Variants in CCDC149 observed in about 807,000 individuals in gnomAD.
CCDC149 encodes coiled-coil domain-containing protein 149.
In CCDC149, 45 loss-of-function variants were observed where a neutral mutation model predicts 59.9. The observed-to-expected ratio is 0.75, with a 90% CI of 0.59 to 0.96. The LOEUF (loss-of-function observed/expected upper bound fraction) is 0.96. Among genes scored for constraint, CCDC149 ranks in the 40% least tolerant of loss-of-function variants. The probability of loss-of-function intolerance (pLI) is 0.00; values close to 1 mark genes in which losing one functional copy is unlikely to be tolerated. For missense variants in CCDC149, 584 were observed against 664.7 expected, an observed-to-expected ratio of 0.88 and a Z score of 1.33; for synonymous variants, 245 against 260.6, an observed-to-expected ratio of 0.94 and a Z score of 0.58.
intron 1 of CCDC149, among the ~76,000 whole-genome samples, chr4:24,954,260 C>G (rs912781191): frequency 6.6e-6 from 1 of 152,218 alleles, no homozygotes; most frequent in Non-Finnish European, 1.5e-5. Context: ...GGGTACAGCC[C>G]AGGCTTCATG....
intron 2 of CCDC149, among the ~76,000 whole-genome samples, chr4:24,874,244 G>GTTTTTTTTTTTTTGTTTT (rs1719242320): frequency 1.1e-5 from 1 of 87,488 alleles, no homozygotes; most frequent in Non-Finnish European, 2.0e-5. Context: ...TATTAGATTT[G>GTTTTTTTTTTTTTGTTTT]TTTTTTTTTT....
intron 1 of CCDC149, among the ~76,000 whole-genome samples, chr4:24,968,579 A>G (rs556609241): frequency 8.5e-5 from 13 of 152,340 alleles, no homozygotes; most frequent in Non-Finnish European, 1.8e-4. Context: ...AGCCTTCGCC[A>G]TTTAAGGAAT....
At chr4:24,877,874 C>T (rs545351464) in intron 1 of CCDC149, among the ~76,000 whole-genome samples, 1 of 152,160 alleles carries the variant, frequency 6.6e-6, no homozygotes, top group Admixed American at 6.5e-5. Flanking sequence ...GGACTCTTCA[C>T]TTTTTACTGG....
intron 1 of CCDC149, among the ~76,000 whole-genome samples, chr4:24,928,437 A>G (rs546594645): frequency 3.3e-4 from 50 of 152,334 alleles, no homozygotes; most frequent in Middle Eastern, 3.4e-3. Context: ...AGGAATTCCA[A>G]CAGAATGGAT....
chr4:24,978,480 T>A (rs1724315947), intron 1 of CCDC149, among the ~76,000 whole-genome samples: 1 of 152,210 alleles, frequency 6.6e-6, no homozygotes, highest in Non-Finnish European at 1.5e-5. Context: ...TCTATTTCTG[T>A]TGGCAGCACT....
intron 1 of CCDC149, among the ~76,000 whole-genome samples, chr4:24,895,455 T>C (rs1172570853): frequency 6.6e-6 from 1 of 152,204 alleles, no homozygotes; most frequent in Non-Finnish European, 1.5e-5. Context: ...AGTCAAATTG[T>C]AGGTGGCTTT....
At chr4:24,900,951 T>G (rs1043579910) in intron 1 of CCDC149, among the ~76,000 whole-genome samples, 1 of 152,034 alleles carries the variant, frequency 6.6e-6, no homozygotes, top group Admixed American at 6.5e-5. Context: ...GAAAGATAGG[T>G]CAAGGTCAGC....
At position 24,837,924 on chromosome 4, in the gene CCDC149, T is replaced by C. The variant is rs944400950; in HGVS notation, c.489+232A>G. Among the ~76,000 whole-genome samples the C allele has an allele frequency of 6.6e-6, 1 of 152,224 alleles. No homozygotes were observed. The highest frequency in any genetic ancestry group is 1.5e-5 in the Non-Finnish European group (1 of 68,038). ...CTATCCTGGCTAGGAGGAACGTTTC[T>C]TGTTGTGTTCAGAACAATGGTACCC... On this transcript the variant is annotated intron_variant, in intron 5 of 12. Coordinates refer to ENST00000635206, the MANE Select transcript of CCDC149 (RefSeq NM_001330643.2). The surrounding 1 kb of genome is among the most constrained non-coding windows in gnomAD (Gnocchi z 4.3).
chr4:24,946,916 G>A (rs560355463), intron 1 of CCDC149, among the ~76,000 whole-genome samples: 35 of 152,194 alleles, frequency 2.3e-4, no homozygotes, highest in African/African-American at 7.2e-4. Context: ...TTTCCTCTCC[G>A]AACTGTGAAT....
At chr4:24,977,142 G>T (rs1295354125) in intron 1 of CCDC149, among the ~76,000 whole-genome samples, 1 of 152,164 alleles carries the variant, frequency 6.6e-6, no homozygotes, top group Non-Finnish European at 1.5e-5. Flanking sequence ...TGCTGGGGTG[G>T]ACATGGGACT....
intron 12 of CCDC149, among the ~76,000 whole-genome samples, chr4:24,810,080 C>T (rs886580790): frequency 6.6e-5 from 10 of 152,184 alleles, no homozygotes; most frequent in Non-Finnish European, 1.0e-4. Context: ...AGCCATGTCA[C>T]GCACCCATTA....
chr4:24,956,250 A>T (rs1482632872), intron 1 of CCDC149, among the ~76,000 whole-genome samples: 1 of 151,066 alleles, frequency 6.6e-6, no homozygotes, highest in Admixed American at 6.6e-5. Context: ...ACCCCATAAC[A>T]AGGATTTCTC....
intron 1 of CCDC149, among the ~76,000 whole-genome samples, chr4:24,940,677 C>T (rs1004631493): frequency 1.3e-5 from 2 of 151,930 alleles, no homozygotes; most frequent in African/African-American, 4.8e-5. Flanking sequence ...CACACATAGG[C>T]TCAAAATAAA....
intron 4 of CCDC149, among the ~76,000 whole-genome samples, chr4:24,841,343 G>C (rs1716924343): frequency 2.0e-5 from 3 of 152,284 alleles, no homozygotes; most frequent in Middle Eastern, 6.8e-3. Context: ...AATTATGTTT[G>C]CTTAATGCCA....
Position 24,821,095 on chromosome 4 carries a change from C to T in CCDC149, c.1043-8G>A. On this transcript the variant is annotated splice_polypyrimidine_tract_variant and splice_region_variant and intron_variant, in intron 10 of 12. Transcript: ENST00000635206. ...AAACATTGTAGCTCAGGCCTTCAGGCAGCAAAAAGAAAAAAAGGAAATAAT... is the reference window on the plus strand; with the variant it reads ...AAACATTGTAGCTCAGGCCTTCAGGTAGCAAAAAGAAAAAAAGGAAATAAT... 1.6e-6 allele frequency: 2 copies of T among 1,230,342 alleles called. No individual in the cohort carries two copies. Among genetic ancestry groups the T allele is most frequent in the Non-Finnish European group, 2.0e-6 (2 of 987,020 alleles). The allele number at this position is 1,230,342 out of a possible 1,614,324, so 76.2% of individuals were successfully genotyped here.
At chr4:24,872,355 G>A (rs1369970077) in intron 3 of CCDC149, among the ~76,000 whole-genome samples, 1 of 152,218 alleles carries the variant, frequency 6.6e-6, no homozygotes, top group Non-Finnish European at 1.5e-5. Flanking sequence ...AGAACAGTAT[G>A]CACCCACAGA....
At chr4:24,848,888 T>C (rs1244655816) in intron 4 of CCDC149, among the ~76,000 whole-genome samples, 4 of 152,142 alleles carry the variant, frequency 2.6e-5, no homozygotes, top group Non-Finnish European at 4.4e-5. Context: ...ATTACATTCG[T>C]AGGTAGAAGA....
At chr4:24,900,507 G>T (rs1721106115) in intron 1 of CCDC149, among the ~76,000 whole-genome samples, 1 of 152,162 alleles carries the variant, frequency 6.6e-6, no homozygotes. Flanking sequence ...TCAGTGCCCT[G>T]CCTCAGGTCC....
At chr4:24,892,213 C>A (rs1177545540) in intron 1 of CCDC149, among the ~76,000 whole-genome samples, 1 of 152,164 alleles carries the variant, frequency 6.6e-6, no homozygotes, top group Non-Finnish European at 1.5e-5. Flanking sequence ...CCAACTCCTG[C>A]CCTACCACTT....
Sources: allele counts gnomAD v4.1 joint callset (sites outside exome capture counted in the v4.1 genomes callset), GRCh38; gene constraint gnomAD v4.1.1; non-coding constraint Gnocchi (gnomAD v3.1); transcripts MANE v1.5; gene names NCBI Gene and HGNC (gene_info 2026-07-23, HGNC 2026-07-21).